Variants in PLSCR3 observed in about 807,000 individuals in gnomAD.
PLSCR3 encodes the protein PL scramblase 3.
In PLSCR3, 17 loss-of-function variants were observed where a neutral mutation model predicts 33.7. The observed-to-expected ratio is 0.50, with a 90% CI of 0.35 to 0.76. The LOEUF (loss-of-function observed/expected upper bound fraction) is 0.76. PLSCR3 is among the 30% of genes least tolerant of loss of function. The pLI is 0.01. For missense variants in PLSCR3, 360 were observed against 394.1 expected, an observed-to-expected ratio of 0.91 and a Z score of 0.73; for synonymous variants, 166 against 166.0, an observed-to-expected ratio of 1.00 and a Z score of 0.00.
In PLSCR3 at chr17:7,391,500, G is replaced by A. The variant is rs1443760814; in HGVS notation, c.670-705C>T. 1.3e-5 allele frequency among the ~76,000 whole-genome samples: 2 copies of A among 152,142 alleles called. No individual in the cohort carries two copies. Among genetic ancestry groups the A allele is most frequent in the East Asian group, 3.8e-4 (2 of 5,198 alleles). On this transcript the variant is annotated intron_variant, in intron 6 of 7. Transcript: ENST00000619711. This position sits in a 1 kb window ranked among gnomAD's most constrained non-coding sequence, Gnocchi z 4.1. ...GGGTAGTTACTCCCCGTGACTTCCTGGTCCTTTTCCTGTGCTCGTTCTCCA... is the reference window on the plus strand; with the variant it reads ...GGGTAGTTACTCCCCGTGACTTCCTAGTCCTTTTCCTGTGCTCGTTCTCCA...
In PLSCR3 at chr17:7,391,759, T is replaced by G. The variant is rs561780343; in HGVS notation, c.670-964A>C. Among the ~76,000 whole-genome samples the G allele has an allele frequency of 1.3e-5, 2 of 152,324 alleles. No individual in the cohort carries two copies. Among genetic ancestry groups the G allele is most frequent in the Admixed American group, 1.3e-4 (2 of 15,292 alleles). On this transcript the variant is annotated intron_variant, in intron 6 of 7. Transcript: ENST00000619711. This position sits in a 1 kb window ranked among gnomAD's most constrained non-coding sequence, Gnocchi z 4.1. ...CCCAATTGGTTCTCATCATGGAATC[T>G]CCCTCTGGCTACCAAGGTGACTCAT...
Position 7,394,195 on chromosome 17 carries a change from G to T in PLSCR3, c.-85C>A. 1 of 1,303,014 alleles carries T rather than the reference G, an allele frequency of 7.7e-7. No homozygotes were observed. Among genetic ancestry groups the T allele is most frequent in the Non-Finnish European group, 1.1e-6 (1 of 906,254 alleles). 80.7% of individuals were successfully genotyped at this position (1,303,014 alleles called of 1,614,324 possible). A position where few individuals can be genotyped will look rare whatever the true frequency, so the allele number is the denominator to read the frequency against. ...AGGCAAACTCGGAGATAGCCAGACAGACACAGAGACAGACACAAAGACGGA... is the reference window on the plus strand; with the variant it reads ...AGGCAAACTCGGAGATAGCCAGACATACACAGAGACAGACACAAAGACGGA... On this transcript the variant is annotated 5_prime_UTR_variant, in exon 2 of 8. In the 5' UTR this introduces an upstream ATG that the reference lacks. Transcript: ENST00000619711. This position sits in a 1 kb window ranked among gnomAD's most constrained non-coding sequence, Gnocchi z 5.3.
Position 7,393,462 on chromosome 17 carries a change from C to G in PLSCR3, c.286+5G>C. ...GAGGTCCAACCTCCCACTCCTTCTA[C>G]TTACTTTCCACTCGCTCAGCCTTCT... On this transcript the variant is annotated splice_donor_5th_base_variant and intron_variant, in intron 4 of 7. Coordinates refer to ENST00000619711, the MANE Select transcript of PLSCR3 (RefSeq NM_020360.4). 1 of 1,614,148 alleles carries G rather than the reference C, an allele frequency of 6.2e-7. No individual in the cohort carries two copies. Among genetic ancestry groups the G allele is most frequent in the Non-Finnish European group, 8.5e-7 (1 of 1,180,016 alleles).
At position 7,391,865 on chromosome 17, in the gene PLSCR3, A is replaced by T. The variant is rs1288609910; in HGVS notation, c.669+926T>A. On this transcript the variant is annotated intron_variant, in intron 6 of 7. Transcript: ENST00000619711. The surrounding 1 kb of genome is among the most constrained non-coding windows in gnomAD (Gnocchi z 4.1). ...GGATTATACCTGTTGTTTCTCCCTT[A>T]TCTGCACAAGCAATTATCCCTTAAA... 6.6e-6 allele frequency among the ~76,000 whole-genome samples: 1 copy of T among 152,218 alleles called. No individual in the cohort carries two copies. The highest frequency in any genetic ancestry group is 1.5e-5 in the Non-Finnish European group (1 of 68,040).
chr17:7,393,621 C>G lies in PLSCR3; in HGVS notation c.223G>C (p.Gly75Arg). Residue 75 changes from glycine to arginine, a missense_variant, in exon 3 of 8, where the codon GGC (glycine) becomes CGC (arginine). By Grantham distance (125) the Gly-to-Arg change is moderately radical. Coordinates refer to ENST00000619711, the MANE Select transcript of PLSCR3 (RefSeq NM_020360.4). ...PFLPLPGVPS[G>R]LEFLVQIDQI... ...CTCACCTGCACCAGGAATTCGAGGC[C>G]AGAAGGCACCCCTGGCAGTGGCAAG... The G allele has an allele frequency of 3.1e-6, 5 of 1,612,438 alleles. No individual in the cohort carries two copies. The highest frequency in any genetic ancestry group is 2.5e-6 in the Non-Finnish European group (3 of 1,179,910).
intron 6 of PLSCR3, among the ~76,000 whole-genome samples, chr17:7,392,143 C>A (rs1455861655): frequency 3.3e-5 from 5 of 152,180 alleles, no homozygotes; most frequent in Non-Finnish European, 7.3e-5. Flanking sequence ...TGAGATCATG[C>A]CATAGCACTC....
chr17:7,393,930 C>A (rs1413185295), intron 2 of PLSCR3, 94 bp from the exon 3 acceptor site: 1 of 1,103,492 alleles, frequency 9.1e-7, no homozygotes, highest in Non-Finnish European at 1.3e-6. Flanking sequence ...TCGGGGGAAA[C>A]GTGGTGGCAA....
chr17:7,393,375 T>A lies in PLSCR3; in HGVS notation c.287-11A>T, dbSNP rs762755417. ...CCCAGCCTAGGAACGCTGCCCGAGG[T>A]GACACGGGGAGACTCGTAGAGCCTC... On this transcript the variant is annotated splice_polypyrimidine_tract_variant and intron_variant, in intron 4 of 7. Transcript: ENST00000619711. 3.7e-6 allele frequency: 6 copies of A among 1,613,392 alleles called. No homozygotes were observed. In the East Asian group the frequency reaches 1.3e-4, roughly 36 times the overall value.
rs1036443702 is a variant in PLSCR3 at position 7,389,981 on chromosome 17, G to A, written c.*404C>T. 1 of 167,696 alleles carries A rather than the reference G, an allele frequency of 6.0e-6. No individual in the cohort carries two copies. Among genetic ancestry groups the A allele is most frequent in the Non-Finnish European group, 1.3e-5 (1 of 77,484 alleles). 10.4% of individuals were successfully genotyped at this position (167,696 alleles called of 1,614,324 possible). A position where few individuals can be genotyped will look rare whatever the true frequency, so the allele number is the denominator to read the frequency against. On this transcript the variant is annotated 3_prime_UTR_variant, in exon 8 of 8. Coordinates refer to ENST00000619711, the MANE Select transcript of PLSCR3 (RefSeq NM_020360.4). Reference sequence around the variant, plus strand: ...ATTGGCCAAGCAGATGCTAGGCAGCGGCGGGGGGGCGGTGGCTATATCCAC... The same window carrying A: ...ATTGGCCAAGCAGATGCTAGGCAGCAGCGGGGGGGCGGTGGCTATATCCAC...
At position 7,391,984 on chromosome 17, in the gene PLSCR3, G is replaced by A. The variant is rs916431209; in HGVS notation, c.669+807C>T. ...GCGGATCACCTGAGGTCAGGAGTTC[G>A]AGACCAGCCTGACCAACATGGAGAA... On this transcript the variant is annotated intron_variant, in intron 6 of 7. Transcript: ENST00000619711. This position sits in a 1 kb window ranked among gnomAD's most constrained non-coding sequence, Gnocchi z 4.1. Among the ~76,000 whole-genome samples the A allele has an allele frequency of 1.3e-5, 2 of 152,138 alleles. No individual in the cohort carries two copies. The highest frequency in any genetic ancestry group is 1.3e-4 in the Admixed American group (2 of 15,268).
At position 7,393,828 on chromosome 17, in the gene PLSCR3, G is replaced by T; in HGVS notation, c.16C>A (p.Pro6Thr). Residue 6 changes from proline to threonine, a missense_variant, in exon 3 of 8, where the codon CCC (proline) becomes ACC (threonine). Coordinates refer to ENST00000619711, the MANE Select transcript of PLSCR3 (RefSeq NM_020360.4). MAGYL[P>T]PKGYAPSPPP... ...GGCGAAGGGGCGTAGCCTTTGGGGG[G>T]CAAGTAGCCTGTAAAGCGGTGGGAG... 2 of 1,488,388 alleles carry T rather than the reference G, an allele frequency of 1.3e-6. No individual in the cohort carries two copies. Among genetic ancestry groups the T allele is most frequent in the Non-Finnish European group, 1.8e-6 (2 of 1,115,680 alleles). The allele number at this position is 1,488,388 out of a possible 1,614,324, so 92.2% of individuals were successfully genotyped here.
At chr17:7,393,405 G>A in intron 4 of PLSCR3, 41 bp from the exon 5 acceptor site, 2 of 1,612,240 alleles carry the variant, frequency 1.2e-6, no homozygotes, top group South Asian at 1.1e-5. Context: ...AGCCTCGCGC[G>A]CCCAGGAGCC....
At chr17:7,393,116 G>GGCCCC in intron 5 of PLSCR3, 28 bp downstream of exon 5, 1 of 650,886 alleles carries the variant, frequency 1.5e-6, no homozygotes, top group East Asian at 5.9e-5. Flanking sequence ...ACCAAGGCCC[G>GGCCCC]CCCTCCCGGC....
At chr17:7,393,112 G>GCCCCCCCAC in intron 5 of PLSCR3, 32 bp downstream of exon 5, 1 of 1,256,046 alleles carries the variant, frequency 8.0e-7, no homozygotes, top group Non-Finnish European at 1.1e-6. Context: ...CCCCACCAAG[G>GCCCCCCCAC]CCCGCCCTCC....
At chr17:7,392,148 G>C (rs561719270) in intron 6 of PLSCR3, among the ~76,000 whole-genome samples, 16 of 152,236 alleles carry the variant, frequency 1.1e-4, no homozygotes, top group Admixed American at 9.8e-4. Flanking sequence ...TCATGCCATA[G>C]CACTCCCACC....
intron 3 of PLSCR3, 41 bp downstream of exon 3, chr17:7,393,560 A>T (rs763383724): frequency 6.2e-7 from 1 of 1,613,542 alleles, no homozygotes; most frequent in Non-Finnish European, 8.5e-7. Context: ...TGGACGCCCA[A>T]GTCCCCTCCC....
intron 7 of PLSCR3, 37 bp downstream of exon 7, chr17:7,390,597 G>C: frequency 6.2e-7 from 1 of 1,611,570 alleles, no homozygotes; most frequent in South Asian, 1.1e-5. Flanking sequence ...GACAGCAAAG[G>C]ACAGGCAGGA....
In PLSCR3 at chr17:7,393,522, GGGC is replaced by G. The variant is rs1377214806; in HGVS notation, c.244-16_244-14del. On this transcript the variant is annotated splice_polypyrimidine_tract_variant and intron_variant, in intron 3 of 7. Transcript: ENST00000619711. ...AAATCTGATCAATCTGGAAAGAGAG[GGGC>G]GGCGCGCACATCAGCTGGCCCATCT... 1.9e-6 allele frequency: 3 copies of G among 1,613,984 alleles called. No individual in the cohort carries two copies. Among genetic ancestry groups the G allele is most frequent in the Non-Finnish European group, 2.5e-6 (3 of 1,180,020 alleles).
At chr17:7,393,049 C>T (rs1905855443) in intron 5 of PLSCR3, 95 bp downstream of exon 5, 4 of 1,498,722 alleles carry the variant, frequency 2.7e-6, no homozygotes, top group East Asian at 2.3e-5. Context: ...TCCCCACCTG[C>T]CCACTCCCAC....
Sources: gnomAD v4.1 joint callset for allele counts (sites outside exome capture counted in the v4.1 genomes callset) on GRCh38, gnomAD v4.1.1 for gene constraint, Gnocchi (gnomAD v3.1) non-coding constraint, MANE v1.5 for transcripts, NCBI Gene and HGNC (gene_info 2026-07-23, HGNC 2026-07-21) for gene names.